RBMS3: variants seen among roughly 807,000 people sequenced by gnomAD.
RBMS3 encodes the protein RNA-binding motif, single-stranded-interacting protein 3.
In RBMS3, 27 loss-of-function variants were observed where a neutral mutation model predicts 66.8. That is an observed-to-expected ratio of 0.40 (90% CI 0.30 to 0.56). RBMS3 has a LOEUF of 0.56. Among genes scored for constraint, RBMS3 ranks in the 20% least tolerant of loss-of-function variants. The pLI is 0.40. For missense variants in RBMS3, 513 were observed against 549.5 expected, an observed-to-expected ratio of 0.93 and a Z score of 0.66; for synonymous variants, 188 against 183.0, an observed-to-expected ratio of 1.03 and a Z score of -0.22.
chr3:29,720,696 C>CTGTGTG (rs201802434), intron 4 of RBMS3, among the ~76,000 whole-genome samples: 3,459 of 147,480 alleles, frequency 0.023, 109 homozygotes, highest in African/African-American at 0.069. Flanking sequence ...CTGTAAGAAT[C>CTGTGTG]TGTGTGTGTG....
Position 30,008,527 on chromosome 3 carries a change from G to T in RBMS3, c.*4665G>T, listed in dbSNP as rs1699867259. ...GTCTTCAGTAAAAAGTGAAGGATGAGATTTTGTCTTTCATGTTATTGTAGC... is the reference window on the plus strand; with the variant it reads ...GTCTTCAGTAAAAAGTGAAGGATGATATTTTGTCTTTCATGTTATTGTAGC... On this transcript the variant is annotated 3_prime_UTR_variant, in exon 15 of 15. Transcript: ENST00000383767. 1.3e-5 allele frequency: 2 copies of T among 152,026 alleles called. No homozygotes were observed. The highest frequency in any genetic ancestry group is 4.1e-4 in the South Asian group (2 of 4,826). 9.4% of individuals were successfully genotyped at this position (152,026 alleles called of 1,614,324 possible).
chr3:29,604,898 A>G (rs2048269992), intron 4 of RBMS3, among the ~76,000 whole-genome samples: 3 of 151,936 alleles, frequency 2.0e-5, no homozygotes, highest in African/African-American at 7.2e-5. Context: ...ATGGGGTTAG[A>G]GCATGATAGC....
At chr3:29,554,992 T>C (rs950305789) in intron 3 of RBMS3, among the ~76,000 whole-genome samples, 1 of 152,308 alleles carries the variant, frequency 6.6e-6, no homozygotes, top group African/African-American at 2.4e-5. Flanking sequence ...TAGAAAGATA[T>C]TGCCCAAGTT....
chr3:29,916,716 G>A (rs976350160), intron 10 of RBMS3, among the ~76,000 whole-genome samples: 9 of 151,878 alleles, frequency 5.9e-5, no homozygotes, highest in Middle Eastern at 3.2e-3. Flanking sequence ...AAGAGAATAC[G>A]AAACATGTGG....
At chr3:29,572,585 A>G (rs9817220) in intron 3 of RBMS3, among the ~76,000 whole-genome samples, 18,769 of 152,180 alleles carry the variant, frequency 0.12, 1,856 homozygotes, top group East Asian at 0.36. Flanking sequence ...ATTTGTGAAT[A>G]TTGAATCATT....
At chr3:29,318,783 C>A (rs2034838588) in intron 1 of RBMS3, among the ~76,000 whole-genome samples, 1 of 151,756 alleles carries the variant, frequency 6.6e-6, no homozygotes, top group African/African-American at 2.4e-5. Context: ...AGATCTGGAA[C>A]CTTGAGAGAC....
intron 3 of RBMS3, among the ~76,000 whole-genome samples, chr3:29,579,288 C>T (rs530647765): frequency 1.1e-4 from 16 of 152,198 alleles, no homozygotes; most frequent in African/African-American, 3.9e-4. Context: ...GGGATGAGTA[C>T]AAGCATGCTT....
In RBMS3 at chr3:29,637,016, G is replaced by T. The variant is rs151259671; in HGVS notation, c.399+49811G>T. On this transcript the variant is annotated intron_variant, in intron 4 of 14. Transcript: ENST00000383767. ...TAATTTCAGACCCAGGTTATTAGCA[G>T]CATGGAAGCTCCTAATGAGGCTGGA... Among the ~76,000 whole-genome samples the T allele has an allele frequency of 2.5e-4, 38 of 152,010 alleles. 1 individual carries two copies. In the East Asian group the frequency reaches 6.4e-3, roughly 26 times the overall value.
At chr3:29,703,642 A>G (rs1235241303) in intron 4 of RBMS3, among the ~76,000 whole-genome samples, 1 of 152,204 alleles carries the variant, frequency 6.6e-6, no homozygotes, top group Non-Finnish European at 1.5e-5. Context: ...CTATCAAGTT[A>G]ATTGCTATTG....
intron 1 of RBMS3, chr3:29,391,104 C>A: frequency 4.2e-6 from 1 of 236,586 alleles, no homozygotes; most frequent in Non-Finnish European, 9.9e-6. Context: ...GACTAGGAAT[C>A]GATAGTGGCA....
In RBMS3 at chr3:29,924,067, C is replaced by T. The variant is rs762710692; in HGVS notation, c.940-12019C>T. Among the ~76,000 whole-genome samples the T allele has an allele frequency of 5.3e-5, 8 of 152,108 alleles. No individual in the cohort carries two copies. The South Asian group carries it at 1.0e-3, about 20-fold the overall frequency. On this transcript the variant is annotated intron_variant, in intron 10 of 14. Coordinates refer to ENST00000383767, the MANE Select transcript of RBMS3 (RefSeq NM_001003793.3). The stretch of plus-strand genomic sequence containing the variant: ...AGACAAACTGATTGCAAATAAATGC[C>T]GAATATTCTTGCACAATACAATTCT...
Position 29,301,297 on chromosome 3 carries a change from ATTC to A in RBMS3, c.75+19549_75+19551del, listed in dbSNP as rs1177932232. On this transcript the variant is annotated intron_variant, in intron 1 of 14. Coordinates refer to ENST00000383767, the MANE Select transcript of RBMS3 (RefSeq NM_001003793.3). The stretch of plus-strand genomic sequence containing the variant: ...CAGAAAAGTCTAACAAGAGAGCTTT[ATTC>A]TTCTTCTATTCTATCTGTGCTATGC... Among the ~76,000 whole-genome samples, 7 of 152,034 alleles carry A rather than the reference ATTC, an allele frequency of 4.6e-5. No individual in the cohort carries two copies. The South Asian group carries it at 6.2e-4, about 13-fold the overall frequency.
intron 4 of RBMS3, among the ~76,000 whole-genome samples, chr3:29,671,396 C>T (rs561542618): frequency 3.3e-5 from 5 of 152,166 alleles, no homozygotes; most frequent in Non-Finnish European, 5.9e-5. Context: ...CACAGCTCCT[C>T]GCTAGCAATA....
chr3:29,579,199 T>G (rs915503231), intron 3 of RBMS3, among the ~76,000 whole-genome samples: 3 of 152,232 alleles, frequency 2.0e-5, no homozygotes, highest in Non-Finnish European at 4.4e-5. Flanking sequence ...TGTTGCCCAA[T>G]TTTATTATAA....
At chr3:29,420,855 A>G (rs866283106) in intron 1 of RBMS3, among the ~76,000 whole-genome samples, 2 of 152,000 alleles carry the variant, frequency 1.3e-5, no homozygotes, top group Middle Eastern at 3.4e-3. Flanking sequence ...CTGTAATCCC[A>G]GCACTTTGGG....
At chr3:29,638,254 A>G (rs564828558) in intron 4 of RBMS3, among the ~76,000 whole-genome samples, 4 of 151,302 alleles carry the variant, frequency 2.6e-5, no homozygotes, top group African/African-American at 9.7e-5. Context: ...TACATATTGT[A>G]TCTATCTTGA....
intron 6 of RBMS3, among the ~76,000 whole-genome samples, chr3:29,845,129 A>G (rs2058747847): frequency 6.6e-6 from 1 of 152,212 alleles, no homozygotes; most frequent in African/African-American, 2.4e-5. Flanking sequence ...GACTGGGAAC[A>G]TGGATATTGG....
chr3:30,001,227 A>AT (rs771765563), intron 14 of RBMS3, among the ~76,000 whole-genome samples: 14 of 151,896 alleles, frequency 9.2e-5, no homozygotes, highest in Non-Finnish European at 1.9e-4. Flanking sequence ...ATACTGTGAC[A>AT]TTTTTCCACA....
chr3:29,970,834 G>T (rs1697181946), intron 12 of RBMS3, among the ~76,000 whole-genome samples: 1 of 151,962 alleles, frequency 6.6e-6, no homozygotes, highest in Non-Finnish European at 1.5e-5. Context: ...ATGTGTTCAG[G>T]AATCGAAACA....
Sources: gnomAD v4.1 joint callset for allele counts (sites outside exome capture counted in the v4.1 genomes callset) on GRCh38, gnomAD v4.1.1 for gene constraint, MANE v1.5 for transcripts, NCBI Gene and HGNC (gene_info 2026-07-23, HGNC 2026-07-21) for gene names.